BTBD16: variants seen among roughly 807,000 people sequenced by gnomAD.
The protein encoded by BTBD16 is BTB domain containing 16.
Under a neutral mutation model 67.4 loss-of-function variants are expected in BTBD16, and 66 were observed. The ratio of observed to expected loss-of-function variants is 0.98; its 90% CI spans 0.80 to 1.20. BTBD16 has a LOEUF of 1.20. Among genes scored for constraint, BTBD16 ranks in the 50% most tolerant of loss-of-function variants. The pLI is 0.00. For synonymous variants in BTBD16, 242 were observed against 236.4 expected (o/e 1.02, Z -0.22); for missense variants, 634 against 616.0 (o/e 1.03, Z -0.31).
chr10:122,296,083 A>G (rs141089865), intron 7 of BTBD16, among the ~76,000 whole-genome samples: 59 of 152,174 alleles, frequency 3.9e-4, no homozygotes, highest in African/African-American at 1.3e-3. Context: ...GGCAGATAAA[A>G]AGGGAAACTT....
chr10:122,334,490 C>T (rs938729771), intron 13 of BTBD16, among the ~76,000 whole-genome samples: 7 of 125,266 alleles, frequency 5.6e-5, no homozygotes, highest in African/African-American at 6.4e-5. Context: ...CCACCGTGCC[C>T]GGCCTTTTTT....
At chr10:122,281,360 C>G (rs368715737) in intron 3 of BTBD16, among the ~76,000 whole-genome samples, 3 of 152,040 alleles carry the variant, frequency 2.0e-5, no homozygotes, top group East Asian at 1.9e-4. Flanking sequence ...TTCCCCACCT[C>G]TATTTGTTGG....
rs2096463886 is a variant in BTBD16, at chr10:122,336,696, T to G, written c.1452+14T>G. ...TGCAAAAGCCATGCAAGTGTTCACGTTGTCTTTTCCTTTATTTCCTTTTTG... is the reference window on the plus strand; with the variant it reads ...TGCAAAAGCCATGCAAGTGTTCACGGTGTCTTTTCCTTTATTTCCTTTTTG... On this transcript the variant is annotated intron_variant, in intron 15 of 15. Transcript: ENST00000260723. 1 of 1,558,508 alleles carries G rather than the reference T, an allele frequency of 6.4e-7. No individual in the cohort carries two copies. Among genetic ancestry groups the G allele is most frequent in the East Asian group, 2.3e-5 (1 of 43,110 alleles).
At chr10:122,305,936 T>C (rs2096402951) in intron 9 of BTBD16, among the ~76,000 whole-genome samples, 1 of 152,202 alleles carries the variant, frequency 6.6e-6, no homozygotes, top group South Asian at 2.1e-4. Context: ...TTTTCATGGC[T>C]GTATAGTATT....
In BTBD16 at chr10:122,307,393, C is replaced by G. The variant is rs140509324; in HGVS notation, c.911+85C>G. 1.2e-3 allele frequency: 1,626 copies of G among 1,357,446 alleles called. 16 individuals carry two copies. The highest frequency in any genetic ancestry group is 9.6e-3 in the South Asian group (589 of 61,620). 84.1% of individuals were successfully genotyped at this position (1,357,446 alleles called of 1,614,324 possible). ...TCATAATATCACGGGGGAAAACCATCAGTGATATAATTTTTCATAGCATCA... is the reference window on the plus strand; with the variant it reads ...TCATAATATCACGGGGGAAAACCATGAGTGATATAATTTTTCATAGCATCA... On this transcript the variant is annotated intron_variant, in intron 10 of 15. Transcript: ENST00000260723.
chr10:122,289,994 A>G lies in BTBD16; in HGVS notation c.471A>G (p.Lys157=), dbSNP rs758831451. 4 of 1,605,066 alleles carry G rather than the reference A, an allele frequency of 2.5e-6. No individual in the cohort carries two copies. Among genetic ancestry groups the G allele is most frequent in the Non-Finnish European group, 3.4e-6 (4 of 1,172,080 alleles). ...SLKINDPLVT[K]VAFATALKNL... ...AGATCAATGACCCACTGGTCACTAA[A>G]GTCGGTATGTATATACCCGTCTATA... is the stretch of plus-strand genomic sequence containing the variant. Residue 157 remains lysine, a synonymous_variant, in exon 6 of 16, where the codon AAA becomes AAG. Coordinates refer to ENST00000260723, the MANE Select transcript of BTBD16 (RefSeq NM_144587.5).
chr10:122,295,901 T>C (rs1379429169), intron 7 of BTBD16, among the ~76,000 whole-genome samples: 1 of 152,136 alleles, frequency 6.6e-6, no homozygotes, highest in African/African-American at 2.4e-5. Flanking sequence ...TACCTTGTTC[T>C]AGTAAAGGCT....
rs568698279 is a variant in BTBD16 at position 122,335,636 on chromosome 10, A to G, written c.1263+657A>G. On this transcript the variant is annotated intron_variant, in intron 14 of 15. Coordinates refer to ENST00000260723, the MANE Select transcript of BTBD16 (RefSeq NM_144587.5). ...TGAGTTTAAATGTGTTAATCTGTGC[A>G]GGGTGGCTTGGAACAAGCTTGACAC... Among the ~76,000 whole-genome samples the G allele has an allele frequency of 9.7e-4, 148 of 152,368 alleles. 1 individual carries two copies. Among genetic ancestry groups the G allele is most frequent in the Admixed American group, 3.7e-3 (56 of 15,310 alleles).
chr10:122,320,282 G>A (rs1226436893), intron 10 of BTBD16, among the ~76,000 whole-genome samples: 1 of 152,012 alleles, frequency 6.6e-6, no homozygotes, highest in Non-Finnish European at 1.5e-5. Flanking sequence ...CTAGAATACA[G>A]GAGGAAATAA....
chr10:122,327,183 A>T (rs908712918), intron 10 of BTBD16, among the ~76,000 whole-genome samples: 1 of 152,194 alleles, frequency 6.6e-6, no homozygotes, highest in African/African-American at 2.4e-5. Context: ...GGTGGACCAC[A>T]ACCCTTAGAT....
Position 122,283,922 on chromosome 10 carries a change from C to G in BTBD16, c.239C>G (p.Ala80Gly), listed in dbSNP as rs754168063. ...AACAAGGACATCCAAAGTGGGGAAG[C>G]AGGTGAGTTTGTGTTATCCATGGAT... ...FKNKDIQSGE[A>G]DVILECLGFK... The change falls in exon 4 of 16, where the codon GCA becomes GGA. Residue 80 changes from alanine to glycine, a missense_variant and splice_region_variant. Ala to Gly is a moderately conservative substitution (Grantham distance 60, BLOSUM62 0). Transcript: ENST00000260723. The G allele has an allele frequency of 2.7e-5, 43 of 1,612,232 alleles. No homozygotes were observed. Among genetic ancestry groups the G allele is most frequent in the Non-Finnish European group, 3.4e-5 (40 of 1,178,446 alleles).
intron 5 of BTBD16, chr10:122,287,324 A>G: frequency 1.6e-6 from 1 of 622,142 alleles, no homozygotes; most frequent in Non-Finnish European, 2.0e-6. Flanking sequence ...CCAGACAGTG[A>G]GTTCATGGAA....
chr10:122,307,819 T>C (rs1325696299), intron 10 of BTBD16, among the ~76,000 whole-genome samples: 2 of 152,256 alleles, frequency 1.3e-5, no homozygotes, highest in African/African-American at 2.4e-5. Context: ...TGTGTGAGTT[T>C]AGCAGATAAA....
intron 3 of BTBD16, among the ~76,000 whole-genome samples, chr10:122,279,864 CTA>C (rs2096348794): frequency 1.3e-5 from 2 of 152,174 alleles, no homozygotes. Context: ...CTGGACCAGT[CTA>C]TTTCTTGAGT....
chr10:122,306,891 T>A (rs903076178), intron 9 of BTBD16, among the ~76,000 whole-genome samples: 1 of 152,208 alleles, frequency 6.6e-6, no homozygotes, highest in African/African-American at 2.4e-5. Flanking sequence ...AGAAAACATC[T>A]TGGGAACACC....
rs769197837 is a variant in BTBD16 at position 122,307,184 on chromosome 10, G to T, written c.792-5G>T. ...ATTTCTTCTCAATCTTTTTATTTTG[G>T]CCAGGTTATTTACCTTTAGTGAATT... On this transcript the variant is annotated splice_region_variant and splice_polypyrimidine_tract_variant and intron_variant, in intron 9 of 15. Coordinates refer to ENST00000260723, the MANE Select transcript of BTBD16 (RefSeq NM_144587.5). 4 of 1,578,722 alleles carry T rather than the reference G, an allele frequency of 2.5e-6. No homozygotes were observed. In the South Asian group the frequency reaches 4.8e-5, roughly 19 times the overall value.
At chr10:122,329,937 T>C (rs931063413) in intron 11 of BTBD16, among the ~76,000 whole-genome samples, 9 of 152,170 alleles carry the variant, frequency 5.9e-5, no homozygotes, top group Non-Finnish European at 1.3e-4. Context: ...AACTCTGAAT[T>C]TGTGCTCCCT....
intron 5 of BTBD16, among the ~76,000 whole-genome samples, chr10:122,288,393 T>A (rs1330797353): frequency 3.2e-4 from 48 of 152,216 alleles, no homozygotes. Flanking sequence ...AGGTGACGGA[T>A]GACAGCGAGG....
intron 8 of BTBD16, among the ~76,000 whole-genome samples, chr10:122,298,714 C>G (rs898603317): frequency 1.3e-5 from 2 of 152,130 alleles, no homozygotes; most frequent in African/African-American, 4.8e-5. Flanking sequence ...TGACGACAGG[C>G]AAGAGCAGGA....
Sources: gnomAD v4.1 joint callset for allele counts (sites outside exome capture counted in the v4.1 genomes callset) on GRCh38, gnomAD v4.1.1 for gene constraint, MANE v1.5 for transcripts, NCBI Gene and HGNC (gene_info 2026-07-23, HGNC 2026-07-21) for gene names.